The following RAC1 variants were observed in gnomAD, a reference collection of about 807,000 sequenced individuals.
RAC1 encodes the protein Rac family small GTPase 1.
In RAC1, 2 loss-of-function variants were observed where a neutral mutation model predicts 25.2. The ratio of observed to expected loss-of-function variants is 0.08; its 90% confidence interval spans 0.03 to 0.25. The LOEUF is 0.25. RAC1 is among the 10% of genes least tolerant of loss of function. RAC1 has a pLI of 1.00. For missense variants in RAC1, 50 were observed against 235.7 expected (o/e 0.21, Z 5.16); for synonymous variants, 88 against 94.0 (o/e 0.94, Z 0.37).
intron 2 of RAC1, among the ~76,000 whole-genome samples, chr7:6,391,225 T>C (rs1783083963): frequency 2.0e-5 from 3 of 150,634 alleles, no homozygotes; most frequent in Non-Finnish European, 2.9e-5. Context: ...TTTTCCTTTT[T>C]TTTTTTTTCT....
intron 1 of RAC1, among the ~76,000 whole-genome samples, chr7:6,376,501 C>CTTTTTTT (rs1782601672): frequency 1.1e-5 from 1 of 91,192 alleles, no homozygotes; most frequent in African/African-American, 5.2e-5. Context: ...TTTTTTTTTT[C>CTTTTTTT]TTTTCTTTTT....
intron 1 of RAC1, among the ~76,000 whole-genome samples, chr7:6,386,159 A>G (rs1414529043): frequency 3.3e-5 from 5 of 152,264 alleles, no homozygotes; most frequent in African/African-American, 1.2e-4. Context: ...GTATTTCTAC[A>G]CACTTCTCTG....
At chr7:6,390,959 G>A (rs1783076073) in intron 2 of RAC1, among the ~76,000 whole-genome samples, 3 of 152,092 alleles carry the variant, frequency 2.0e-5, no homozygotes, top group South Asian at 2.1e-4. Context: ...GTGCAGTGGC[G>A]CAACTTGGCC....
intron 1 of RAC1, among the ~76,000 whole-genome samples, chr7:6,383,907 A>C (rs2115189213): frequency 7.1e-6 from 1 of 139,880 alleles, no homozygotes; most frequent in South Asian, 2.3e-4. Flanking sequence ...GGTTCAAGCG[A>C]CTCTCCTGCT....
intron 1 of RAC1, among the ~76,000 whole-genome samples, chr7:6,377,783 T>A (rs1327615507): frequency 6.6e-6 from 1 of 151,856 alleles, no homozygotes; most frequent in Non-Finnish European, 1.5e-5. Context: ...GGCACGCCTG[T>A]AATCCTAGCT....
At chr7:6,401,678 C>G in intron 4 of RAC1, 190 bp from the exon 5 acceptor site, 1 of 505,090 alleles carries the variant, frequency 2.0e-6, no homozygotes, top group Admixed American at 3.6e-5. Flanking sequence ...TCCTAGCTTG[C>G]TAATGGAACA....
intron 3 of RAC1, among the ~76,000 whole-genome samples, chr7:6,394,890 T>C (rs997926191): frequency 2.0e-5 from 3 of 152,104 alleles, no homozygotes; most frequent in Admixed American, 6.6e-5. Flanking sequence ...AGTCTTGCTC[T>C]GTCGCCCAGG....
Position 6,402,600 on chromosome 7 carries a change from C to A in RAC1, c.*154C>A, listed in dbSNP as rs1409664621. On this transcript the variant is annotated 3_prime_UTR_variant, in exon 6 of 6. Coordinates refer to ENST00000348035, the MANE Select transcript of RAC1 (RefSeq NM_006908.5). ...TTACAGATTAATTTTTCCATAAAACCATTTTTTGAACCAATCAGTAATTTT... is the reference window on the plus strand; with the variant it reads ...TTACAGATTAATTTTTCCATAAAACAATTTTTTGAACCAATCAGTAATTTT... The A allele has an allele frequency of 9.0e-6, 6 of 663,616 alleles. No individual in the cohort carries two copies. The highest frequency in any genetic ancestry group is 3.5e-5 in the East Asian group (1 of 28,524). The allele number at this position is 663,616 out of a possible 1,614,324, so 41.1% of individuals were successfully genotyped here.
At chr7:6,395,219 G>A (rs1044643429) in intron 3 of RAC1, among the ~76,000 whole-genome samples, 1 of 152,170 alleles carries the variant, frequency 6.6e-6, no homozygotes, top group African/African-American at 2.4e-5. Flanking sequence ...GCCTGCCTCT[G>A]CCTCCCAAAG....
intron 3 of RAC1, among the ~76,000 whole-genome samples, chr7:6,399,064 G>A (rs958570991): frequency 6.6e-6 from 1 of 152,060 alleles, no homozygotes; most frequent in Non-Finnish European, 1.5e-5. Flanking sequence ...CCTTGTTGCC[G>A]GGGCCTTCTT....
At chr7:6,376,574 C>A (rs1437574643) in intron 1 of RAC1, among the ~76,000 whole-genome samples, 2 of 146,738 alleles carry the variant, frequency 1.4e-5, no homozygotes, top group African/African-American at 5.1e-5. Context: ...GCGATCTCTG[C>A]TCCTGCAACC....
Position 6,402,725 on chromosome 7 carries a change from G to GCC in RAC1, c.*286_*287dup, listed in dbSNP as rs201711136. The GCC allele has an allele frequency of 2.1e-5, 6 of 285,614 alleles. No homozygotes were observed. The highest frequency in any genetic ancestry group is 1.2e-4 in the East Asian group (2 of 17,010). The allele number at this position is 285,614 out of a possible 1,614,324, so 17.7% of individuals were successfully genotyped here. A position where few individuals can be genotyped will look rare whatever the true frequency, so the allele number is the denominator to read the frequency against. On this transcript the variant is annotated 3_prime_UTR_variant, in exon 6 of 6. Coordinates refer to ENST00000348035, the MANE Select transcript of RAC1 (RefSeq NM_006908.5). ...TCTTAAAGCCTTATTTTTCAAAAGC[G>GCC]CCCCCCCCATTCTTGTTCAGATTAA...
At position 6,374,619 on chromosome 7, in the gene RAC1, C is replaced by A; in HGVS notation, c.-117C>A. ...GAGGGCGAGGCGGCGTGGACAGCGG[C>A]CCCGGCACCCAGCGCCCCGCCGCCC... is the stretch of plus-strand genomic sequence containing the variant. On this transcript the variant is annotated 5_prime_UTR_variant, in exon 1 of 6. Coordinates refer to ENST00000348035, the MANE Select transcript of RAC1 (RefSeq NM_006908.5). 2 of 596,372 alleles carry A rather than the reference C, an allele frequency of 3.4e-6. No homozygotes were observed. The highest frequency in any genetic ancestry group is 9.5e-5 in the East Asian group (1 of 10,542). The allele number at this position is 596,372 out of a possible 1,614,324, so 36.9% of individuals were successfully genotyped here.
rs897613835 is a variant in RAC1, at chr7:6,402,964, G to T, written c.*518G>T. The stretch of plus-strand genomic sequence containing the variant: ...GAACTCACCAGTGAGTTAGCAGCAC[G>T]TGTTCCCGACATAACATTGTACTGT... On this transcript the variant is annotated 3_prime_UTR_variant, in exon 6 of 6. Coordinates refer to ENST00000348035, the MANE Select transcript of RAC1 (RefSeq NM_006908.5). The T allele has an allele frequency of 1.0e-5, 2 of 190,690 alleles. No individual in the cohort carries two copies. The highest frequency in any genetic ancestry group is 4.7e-5 in the African/African-American group (2 of 42,906). 11.8% of individuals were successfully genotyped at this position (190,690 alleles called of 1,614,324 possible). A position where few individuals can be genotyped will look rare whatever the true frequency, so the allele number is the denominator to read the frequency against.
intron 5 of RAC1, 143 bp downstream of exon 5, chr7:6,402,170 G>A: frequency 2.8e-6 from 4 of 1,441,842 alleles, no homozygotes; most frequent in Non-Finnish European, 3.7e-6. Flanking sequence ...AAGGCCCTGT[G>A]GGTCTTAACG....
intron 4 of RAC1, 120 bp from the exon 5 acceptor site, chr7:6,401,748 C>A: frequency 3.9e-6 from 4 of 1,029,334 alleles, no homozygotes; most frequent in Middle Eastern, 4.4e-4. Flanking sequence ...CTGAAGCCTC[C>A]GTGGGGAGGC....
intron 4 of RAC1, 131 bp from the exon 5 acceptor site, chr7:6,401,737 C>A: frequency 1.1e-6 from 1 of 892,598 alleles, no homozygotes; most frequent in Non-Finnish European, 1.7e-6. Context: ...GTGGGAACCA[C>A]CTGAAGCCTC....
chr7:6,380,514 A>C (rs142651604), intron 1 of RAC1, among the ~76,000 whole-genome samples: 1 of 152,180 alleles, frequency 6.6e-6, no homozygotes, highest in South Asian at 2.1e-4. Flanking sequence ...GTCTTTTTGC[A>C]TTAGTCATCT....
intron 1 of RAC1, among the ~76,000 whole-genome samples, chr7:6,384,824 A>G (rs1037383704): frequency 2.0e-5 from 3 of 152,018 alleles, no homozygotes; most frequent in Non-Finnish European, 4.4e-5. Flanking sequence ...TTTTTTTGAG[A>G]CAGGGTCTCA....
Sources: allele counts gnomAD v4.1 joint callset (sites outside exome capture counted in the v4.1 genomes callset), GRCh38; gene constraint gnomAD v4.1.1; transcripts MANE v1.5; gene names NCBI Gene and HGNC (gene_info 2026-07-23, HGNC 2026-07-21).